Variants in ZNF454 observed in about 807,000 individuals in gnomAD.
ZNF454 encodes the protein zinc finger protein 454.
In ZNF454, 30 loss-of-function variants were observed where a neutral mutation model predicts 48.2. That is an observed-to-expected ratio of 0.62 (90% CI 0.47 to 0.84). ZNF454 has a LOEUF of 0.84. ZNF454 is among the 40% of genes least tolerant of loss of function. The pLI is 0.00. For missense variants in ZNF454, 510 were observed against 623.1 expected, an observed-to-expected ratio of 0.82 and a Z score of 1.93; for synonymous variants, 204 against 211.4, an observed-to-expected ratio of 0.97 and a Z score of 0.30.
At chr5:178,983,226 A>C in the ZNF454 span, 2 of 1,609,858 alleles carry the variant, frequency 1.2e-6, no homozygotes, top group South Asian at 2.2e-5. Flanking sequence ...CACCACCTGC[A>C]GGAGCCAACA....
At chr5:178,959,750 C>T (rs1029407676) in intron 4 of ZNF454, among the ~76,000 whole-genome samples, 10 of 151,216 alleles carry the variant, frequency 6.6e-5, no homozygotes, top group Non-Finnish European at 1.0e-4. Context: ...GGACTACAGG[C>T]GCCCACCACC....
chr5:178,970,682 G>A (rs181408655), downstream of ZNF454, among the ~76,000 whole-genome samples: 9 of 152,210 alleles, frequency 5.9e-5, no homozygotes, highest in Non-Finnish European at 1.2e-4. Flanking sequence ...GGCTGGTCTT[G>A]AACTCCTGAC....
At chr5:178,986,516 T>C in the ZNF454 span, 1 of 1,608,888 alleles carries the variant, frequency 6.2e-7, no homozygotes, top group Middle Eastern at 1.7e-4. Flanking sequence ...GAGGACCAGC[T>C]CAGGCGCACC....
chr5:178,959,235 C>T (rs1299867355), intron 4 of ZNF454, among the ~76,000 whole-genome samples: 1 of 152,164 alleles, frequency 6.6e-6, no homozygotes, highest in Non-Finnish European at 1.5e-5. Flanking sequence ...CCTTTTCCCC[C>T]ATTGTACTGC....
intron 4 of ZNF454, among the ~76,000 whole-genome samples, chr5:178,957,481 C>T (rs560673828): frequency 6.6e-6 from 1 of 152,020 alleles, no homozygotes; most frequent in South Asian, 2.1e-4. Flanking sequence ...ACGATCTCGG[C>T]TCACTGCAAG....
At chr5:178,973,859 A>AG in the ZNF454 span, among the ~76,000 whole-genome samples, 58 of 147,788 alleles carry the variant, frequency 3.9e-4, 2 homozygotes, top group African/African-American at 8.6e-4. Flanking sequence ...AAAAAAAAAA[A>AG]AGGTCGACTG....
At chr5:178,986,782 G>A in the ZNF454 span, 171 of 1,611,088 alleles carry the variant, frequency 1.1e-4, no homozygotes, top group Admixed American at 3.2e-4. Context: ...AGGCTGGGGC[G>A]TCTGCCTCCG....
At chr5:178,982,977 T>C in the ZNF454 span, 8 of 1,614,160 alleles carry the variant, frequency 5.0e-6, no homozygotes, top group Non-Finnish European at 5.9e-6. Flanking sequence ...GCAGGTGGTG[T>C]ACATGGTGAA....
At chr5:178,949,733 C>A (rs201731408) in intron 4 of ZNF454, among the ~76,000 whole-genome samples, 1 of 152,186 alleles carries the variant, frequency 6.6e-6, no homozygotes, top group Non-Finnish European at 1.5e-5. Flanking sequence ...TCTTCTGCCT[C>A]AGCCTCCCAA....
chr5:178,964,545 T>C (rs1393668207), intron 4 of ZNF454, 110 bp from the exon 5 acceptor site: 1 of 867,344 alleles, frequency 1.2e-6, no homozygotes, highest in Non-Finnish European at 1.8e-6. Flanking sequence ...CTTCAGAAAA[T>C]CTTCAAACTT....
chr5:178,972,259 AAATATATACAC>A, the ZNF454 span, among the ~76,000 whole-genome samples: 1 of 152,210 alleles, frequency 6.6e-6, no homozygotes, highest in Non-Finnish European at 1.5e-5. Flanking sequence ...GAAAAATTTT[AAATATATACAC>A]AATATATTTC....
chr5:178,967,252 C>T (rs1181090321), downstream of ZNF454, among the ~76,000 whole-genome samples: 2 of 152,136 alleles, frequency 1.3e-5, no homozygotes, highest in Admixed American at 6.5e-5. Context: ...TTGTACTATT[C>T]CCAGTCACCT....
Position 178,965,416 on chromosome 5 carries a change from A to G in ZNF454, c.1012A>G (p.Asn338Asp), listed in dbSNP as rs769893265. 2 of 1,614,136 alleles carry G rather than the reference A, an allele frequency of 1.2e-6. No individual in the cohort carries two copies. Among genetic ancestry groups the G allele is most frequent in the Non-Finnish European group, 1.7e-6 (2 of 1,180,028 alleles). The change falls in exon 5 of 5, where the codon AAT becomes GAT. Residue 338 changes from asparagine (N) to aspartate (D), a missense_variant. Asn to Asp is a conservative substitution (Grantham distance 23). This residue lies in a region of ZNF454 where 354 missense variants were observed against 408.9 expected (regional missense o/e 0.87). Coordinates refer to ENST00000519564, the MANE Select transcript of ZNF454 (RefSeq NM_001178089.3). This position sits in a 1 kb window ranked among gnomAD's most constrained non-coding sequence, Gnocchi z 5.2. ...YKCNECGKAF[N>D]QSTSFLQHQR... ...ATGCAATGAATGTGGAAAAGCCTTT[A>G]ATCAGAGTACAAGTTTCCTTCAGCA... is the stretch of plus-strand genomic sequence containing the variant.
chr5:178,968,858 C>T (rs1455689441), downstream of ZNF454: 2 of 456,760 alleles, frequency 4.4e-6, no homozygotes, highest in South Asian at 3.1e-5. Flanking sequence ...CGTGCAGCCA[C>T]TTGAGTCTCA....
chr5:178,971,135 A>G (rs1238907327), downstream of ZNF454, among the ~76,000 whole-genome samples: 1 of 152,228 alleles, frequency 6.6e-6, no homozygotes, highest in Non-Finnish European at 1.5e-5. Flanking sequence ...AGTCAGTGAG[A>G]TTGAGCCAAA....
chr5:178,973,791 C>A, the ZNF454 span, among the ~76,000 whole-genome samples: 1 of 147,758 alleles, frequency 6.8e-6, no homozygotes, highest in Admixed American at 6.9e-5. Flanking sequence ...TGCAGTGAGC[C>A]GAGATCGCGC....
chr5:178,984,199 T>G, the ZNF454 span, among the ~76,000 whole-genome samples: 2 of 150,294 alleles, frequency 1.3e-5, no homozygotes, highest in East Asian at 1.9e-4. Context: ...AAGTTGCTCA[T>G]GAGAAACAAA....
chr5:178,987,979 C>T, the ZNF454 span, among the ~76,000 whole-genome samples: 4 of 151,064 alleles, frequency 2.6e-5, no homozygotes, highest in African/African-American at 4.9e-5. Context: ...AGGCTGGTCT[C>T]GAACTCCTGA....
At chr5:178,983,174 C>T in the ZNF454 span, 1 of 1,613,822 alleles carries the variant, frequency 6.2e-7, no homozygotes, top group South Asian at 1.1e-5. Flanking sequence ...CATAGTCAAT[C>T]ACGCTGTGTG....
Sources: allele counts gnomAD v4.1 joint callset (sites outside exome capture counted in the v4.1 genomes callset), GRCh38; gene constraint gnomAD v4.1.1; regional missense constraint gnomAD v4.1.1; non-coding constraint Gnocchi (gnomAD v3.1); transcripts MANE v1.5; gene names NCBI Gene and HGNC (gene_info 2026-07-23, HGNC 2026-07-21).